WDR43: variants seen among roughly 807,000 people sequenced by gnomAD.
The protein encoded by WDR43 is WD repeat domain 43.
WDR43 carries 13 observed loss-of-function variants against 91.4 expected under a neutral mutation model. The observed-to-expected ratio is 0.14, with a 90% CI of 0.09 to 0.23. The LOEUF is 0.23. Ranked by LOEUF, WDR43 falls within the 10% of genes least tolerant of loss-of-function variation. The pLI is 1.00. For synonymous variants in WDR43, 331 were observed against 287.9 expected, an observed-to-expected ratio of 1.15 and a Z score of -1.51; for missense variants, 780 against 809.4, an observed-to-expected ratio of 0.96 and a Z score of 0.44.
At chr2:28,944,171 T>C (rs550871254) in intron 16 of WDR43, among the ~76,000 whole-genome samples, 16 of 152,320 alleles carry the variant, frequency 1.1e-4, no homozygotes, top group African/African-American at 3.1e-4. Context: ...GAAGCAGATA[T>C]GAGAAGTTTT....
intron 1 of WDR43, among the ~76,000 whole-genome samples, chr2:28,897,047 C>T (rs1670494210): frequency 6.6e-6 from 1 of 152,082 alleles, no homozygotes; most frequent in Admixed American, 6.5e-5. Flanking sequence ...AGTGTGGCCT[C>T]TAGAGTCATG....
intron 1 of WDR43, chr2:28,895,922 C>T (rs1261671025): frequency 1.3e-5 from 2 of 152,166 alleles, no homozygotes; most frequent in East Asian, 3.8e-4. Context: ...ATCTTACTCT[C>T]TCTGACGACC....
intron 2 of WDR43, among the ~76,000 whole-genome samples, chr2:28,905,519 AGATTTT>A (rs1288084964): frequency 6.6e-6 from 1 of 152,144 alleles, no homozygotes; most frequent in Non-Finnish European, 1.5e-5. Context: ...TTTTTACAAG[AGATTTT>A]TCGAGGATAT....
chr2:28,906,025 T>G (rs1387953633), intron 2 of WDR43, among the ~76,000 whole-genome samples: 1 of 152,116 alleles, frequency 6.6e-6, no homozygotes, highest in African/African-American at 2.4e-5. Flanking sequence ...TTTAGTTAGG[T>G]TAAGGCCTAA....
intron 1 of WDR43, 31 bp from the exon 2 acceptor site, chr2:28,901,956 A>G: frequency 1.9e-6 from 3 of 1,572,390 alleles, no homozygotes; most frequent in Non-Finnish European, 1.7e-6. Context: ...TTGCAATACT[A>G]AATAAAAACA....
Position 28,924,987 on chromosome 2 carries a change from G to A in WDR43, c.920G>A (p.Cys307Tyr). 6.2e-7 allele frequency: 1 copy of A among 1,609,888 alleles called. No individual in the cohort carries two copies. Among genetic ancestry groups the A allele is most frequent in the Non-Finnish European group, 8.5e-7 (1 of 1,178,530 alleles). Residue 307 changes from cysteine (C) to tyrosine (Y), a missense_variant, in exon 8 of 18, where the codon TGC becomes TAC. Physicochemically the swap from Cys to Tyr is radical, Grantham distance 194 (BLOSUM62 -2). This residue lies in a region of WDR43 where 426 missense variants were observed against 467.8 expected (regional missense o/e 0.91). Coordinates refer to ENST00000407426, the MANE Select transcript of WDR43 (RefSeq NM_015131.3). ...ATTTCCCCCTCCATTTCCAGGTACT[G>A]CAAAAAGCCTTTGACTTCAAACTGC... ...HLFEHILNGY[C>Y]KKPLTSNCTI...
intron 11 of WDR43, 150 bp from the exon 12 acceptor site, chr2:28,935,371 T>C: frequency 1.8e-6 from 1 of 541,118 alleles, no homozygotes. Context: ...ATTCAGTCCC[T>C]CCAACCTTTA....
At chr2:28,923,685 G>A (rs906596582) in intron 7 of WDR43, among the ~76,000 whole-genome samples, 1 of 152,074 alleles carries the variant, frequency 6.6e-6, no homozygotes, top group African/African-American at 2.4e-5. Context: ...CCAAACACTT[G>A]ATTTTAAAAC....
intron 14 of WDR43, among the ~76,000 whole-genome samples, chr2:28,939,779 TTAGAAA>T (rs1671399408): frequency 6.6e-6 from 1 of 152,134 alleles, no homozygotes; most frequent in Non-Finnish European, 1.5e-5. Flanking sequence ...TACTAAAGTA[TTAGAAA>T]TAGGAGTGCA....
chr2:28,922,985 T>TAAGTAAGAAATTTTCC lies in WDR43; in HGVS notation c.914+16_914+31dup. The stretch of plus-strand genomic sequence containing the variant: ...TCTTTTTGAACACATATTAAATGGG[T>TAAGTAAGAAATTTTCC]AAGTAAGAAATTTTCCAAGTAAGAA... On this transcript the variant is annotated splice_region_variant and intron_variant, in intron 7 of 17. Coordinates refer to ENST00000407426, the MANE Select transcript of WDR43 (RefSeq NM_015131.3). 1 of 1,609,228 alleles carries TAAGTAAGAAATTTTCC rather than the reference T, an allele frequency of 6.2e-7. No individual in the cohort carries two copies. The highest frequency in any genetic ancestry group is 1.7e-5 in the Admixed American group (1 of 58,874).
chr2:28,938,089 T>C, intron 14 of WDR43, 95 bp downstream of exon 14: 1 of 1,299,860 alleles, frequency 7.7e-7, no homozygotes, highest in African/African-American at 1.5e-5. Context: ...AACCATCCTT[T>C]CCCCATCTAT....
intron 1 of WDR43, chr2:28,895,795 T>C (rs921755850): frequency 6.6e-6 from 1 of 152,228 alleles, no homozygotes; most frequent in East Asian, 1.9e-4. Flanking sequence ...TGCACGTGGT[T>C]ATTGCGTTTA....
chr2:28,915,360 A>G (rs991733504), intron 5 of WDR43, among the ~76,000 whole-genome samples: 3 of 152,232 alleles, frequency 2.0e-5, no homozygotes, highest in Non-Finnish European at 4.4e-5. Flanking sequence ...TACATAAGAA[A>G]TCAGTAGTGC....
At chr2:28,920,558 C>G (rs1408204404) in intron 6 of WDR43, among the ~76,000 whole-genome samples, 1 of 151,826 alleles carries the variant, frequency 6.6e-6, no homozygotes, top group Non-Finnish European at 1.5e-5. Context: ...TGTGTGTGTG[C>G]GATTTTTAGA....
At chr2:28,921,165 G>C (rs1263182239) in intron 6 of WDR43, among the ~76,000 whole-genome samples, 1 of 141,512 alleles carries the variant, frequency 7.1e-6, no homozygotes, top group Non-Finnish European at 1.5e-5. Context: ...GTCTTGCTTT[G>C]TCGCCAGGCT....
At chr2:28,940,465 G>A (rs1248605469) in intron 14 of WDR43, among the ~76,000 whole-genome samples, 2 of 152,020 alleles carry the variant, frequency 1.3e-5, no homozygotes, top group African/African-American at 4.8e-5. Flanking sequence ...CCTGACCTCA[G>A]GTGATCTGCC....
At position 28,927,580 on chromosome 2, in the gene WDR43, A is replaced by G. The variant is rs749676395; in HGVS notation, c.1185A>G (p.Pro395=). Residue 395 remains proline (P), a synonymous_variant, in exon 10 of 18, where the codon CCA becomes CCG. Coordinates refer to ENST00000407426, the MANE Select transcript of WDR43 (RefSeq NM_015131.3). Reference sequence around the variant, plus strand: ...TTCCTGTTGAACAGGTGAGGACACCAGTGATGAATTCTGAAGCAAAAGTTC... The same window carrying G: ...TTCCTGTTGAACAGGTGAGGACACCGGTGATGAATTCTGAAGCAAAAGTTC... ...VETAITKVRT[P]VMNSEAKVLV... 1 of 1,613,860 alleles carries G rather than the reference A, an allele frequency of 6.2e-7. No homozygotes were observed. The highest frequency in any genetic ancestry group is 1.1e-5 in the South Asian group (1 of 91,072).
At chr2:28,909,115 A>T (rs1670740837) in intron 3 of WDR43, among the ~76,000 whole-genome samples, 1 of 151,996 alleles carries the variant, frequency 6.6e-6, no homozygotes, top group African/African-American at 2.4e-5. Context: ...CTGCTGAATG[A>T]TGATTATCCC....
chr2:28,919,871 G>C (rs1245755555), intron 6 of WDR43, among the ~76,000 whole-genome samples: 1 of 151,996 alleles, frequency 6.6e-6, no homozygotes, highest in East Asian at 1.9e-4. Flanking sequence ...TGGAGACAGA[G>C]TCTCTGTCGC....
Sources: gnomAD v4.1 joint callset for allele counts (sites outside exome capture counted in the v4.1 genomes callset) on GRCh38, gnomAD v4.1.1 for gene constraint, gnomAD v4.1.1 regional missense constraint, MANE v1.5 for transcripts, NCBI Gene and HGNC (gene_info 2026-07-23, HGNC 2026-07-21) for gene names.